POU6F2: variants seen among roughly 807,000 people sequenced by gnomAD.
The protein encoded by POU6F2 is POU domain, class 6, transcription factor 2.
In POU6F2, 31 loss-of-function variants were observed where a neutral mutation model predicts 71.3. That is an observed-to-expected ratio of 0.43 (90% CI 0.33 to 0.59). The LOEUF is 0.59. Ranked by LOEUF, POU6F2 falls within the 20% of genes least tolerant of loss-of-function variation. POU6F2 has a pLI of 0.04. For synonymous variants in POU6F2, 347 were observed against 355.7 expected, an observed-to-expected ratio of 0.98 and a Z score of 0.27; for missense variants, 783 against 856.8, an observed-to-expected ratio of 0.91 and a Z score of 1.07.
chr7:39,135,338 C>T (rs542103673), intron 2 of POU6F2, among the ~76,000 whole-genome samples: 1 of 152,302 alleles, frequency 6.6e-6, no homozygotes, highest in South Asian at 2.1e-4. Flanking sequence ...AAATCTCAGC[C>T]ATTGTGGCAT....
At chr7:39,259,391 G>A (rs1364204961) in intron 4 of POU6F2, among the ~76,000 whole-genome samples, 5 of 152,112 alleles carry the variant, frequency 3.3e-5, no homozygotes, top group South Asian at 2.1e-4. Context: ...ATGCACAAAC[G>A]ACATAACTTG....
intron 2 of POU6F2, among the ~76,000 whole-genome samples, chr7:39,106,575 G>T (rs1294625500): frequency 6.6e-6 from 1 of 152,180 alleles, no homozygotes; most frequent in South Asian, 2.1e-4. Flanking sequence ...GCTCATATGG[G>T]CATGCTATCA....
At chr7:39,264,468 T>C (rs1424771417) in intron 4 of POU6F2, among the ~76,000 whole-genome samples, 3 of 152,192 alleles carry the variant, frequency 2.0e-5, no homozygotes, top group African/African-American at 7.2e-5. Flanking sequence ...CCCAAGATTA[T>C]TTCCTGAGTG....
intron 4 of POU6F2, among the ~76,000 whole-genome samples, chr7:39,232,754 G>T (rs2128750240): frequency 6.6e-6 from 1 of 152,284 alleles, no homozygotes; most frequent in African/African-American, 2.4e-5. Context: ...GCCATGACAT[G>T]CTAAGATCAG....
At chr7:39,430,789 G>A (rs781515073) in intron 6 of POU6F2, among the ~76,000 whole-genome samples, 7 of 152,070 alleles carry the variant, frequency 4.6e-5, no homozygotes, top group South Asian at 2.1e-4. Context: ...GCCCTGCCCC[G>A]TAGATGCATC....
intron 7 of POU6F2, among the ~76,000 whole-genome samples, chr7:39,442,050 T>G (rs1403915460): frequency 6.6e-6 from 1 of 152,194 alleles, no homozygotes; most frequent in Non-Finnish European, 1.5e-5. Flanking sequence ...ATTTGGCTCC[T>G]GATCCAACCA....
chr7:39,003,767 G>T (rs1188322501), intron 1 of POU6F2, among the ~76,000 whole-genome samples: 2 of 151,438 alleles, frequency 1.3e-5, no homozygotes, highest in Non-Finnish European at 2.9e-5. Context: ...AAAAAGAAGG[G>T]AGTGATTAAG....
At chr7:39,377,987 A>G (rs1786743858) in intron 5 of POU6F2, among the ~76,000 whole-genome samples, 1 of 152,108 alleles carries the variant, frequency 6.6e-6, no homozygotes, top group Non-Finnish European at 1.5e-5. Flanking sequence ...CTCTTGACTA[A>G]GTTTCTGCCA....
At chr7:39,039,157 G>C (rs1397830497) in intron 1 of POU6F2, among the ~76,000 whole-genome samples, 1 of 151,940 alleles carries the variant, frequency 6.6e-6, no homozygotes, top group Non-Finnish European at 1.5e-5. Context: ...TTGGTTCCAA[G>C]ATTCCATTAC....
At chr7:39,415,617 A>T (rs190245237) in intron 6 of POU6F2, among the ~76,000 whole-genome samples, 3 of 152,340 alleles carry the variant, frequency 2.0e-5, no homozygotes, top group Non-Finnish European at 4.4e-5. Flanking sequence ...TACTGTAACG[A>T]ATGTTCACAT....
chr7:39,460,847 A>C lies in POU6F2; in HGVS notation c.1658+132A>C. On this transcript the variant is annotated intron_variant, in intron 9 of 9. Coordinates refer to ENST00000518318, the MANE Select transcript of POU6F2 (RefSeq NM_001370959.1). The surrounding 1 kb of genome is among the most constrained non-coding windows in gnomAD (Gnocchi z 4.4). Reference sequence around the variant, plus strand: ...GTGGGAACAAAGTTTGGGGGCAGCTATATGTTGGGATTGGTGATCTTGATG... The same window carrying C: ...GTGGGAACAAAGTTTGGGGGCAGCTCTATGTTGGGATTGGTGATCTTGATG... 1 of 1,105,104 alleles carries C rather than the reference A, an allele frequency of 9.0e-7. No individual in the cohort carries two copies. The highest frequency in any genetic ancestry group is 1.2e-6 in the Non-Finnish European group (1 of 807,592). 68.5% of individuals were successfully genotyped at this position (1,105,104 alleles called of 1,614,324 possible). A position where few individuals can be genotyped will look rare whatever the true frequency, so the allele number is the denominator to read the frequency against.
intron 2 of POU6F2, among the ~76,000 whole-genome samples, chr7:39,203,637 C>T (rs768751376): frequency 8.5e-5 from 13 of 152,186 alleles, no homozygotes; most frequent in Non-Finnish European, 1.2e-4. Flanking sequence ...CTTAGCATGG[C>T]GGAGCTCCCT....
At chr7:39,066,754 T>C (rs560489999) in intron 1 of POU6F2, among the ~76,000 whole-genome samples, 59 of 150,914 alleles carry the variant, frequency 3.9e-4, no homozygotes, top group Non-Finnish European at 6.1e-4. Flanking sequence ...ACAAAATGAT[T>C]CTAAAGTTCA....
At chr7:39,081,623 G>C (rs1791119481) in intron 1 of POU6F2, among the ~76,000 whole-genome samples, 1 of 152,186 alleles carries the variant, frequency 6.6e-6, no homozygotes, top group African/African-American at 2.4e-5. Flanking sequence ...CCTGGGTATT[G>C]AACACTATCT....
intron 5 of POU6F2, among the ~76,000 whole-genome samples, chr7:39,352,167 T>C (rs980922988): frequency 1.3e-5 from 2 of 152,246 alleles, no homozygotes; most frequent in Admixed American, 1.3e-4. Flanking sequence ...TGAAGCCATT[T>C]CTACAAAACT....
At chr7:39,316,164 A>G (rs1478109778) in intron 4 of POU6F2, among the ~76,000 whole-genome samples, 1 of 152,172 alleles carries the variant, frequency 6.6e-6, no homozygotes, top group Admixed American at 6.5e-5. Context: ...GCCTCAGTCT[A>G]TTGACAGGGT....
At chr7:39,057,844 G>T (rs1790563797) in intron 1 of POU6F2, among the ~76,000 whole-genome samples, 1 of 152,132 alleles carries the variant, frequency 6.6e-6, no homozygotes, top group African/African-American at 2.4e-5. Context: ...AGTGATTTGT[G>T]ATATTTCTAT....
intron 4 of POU6F2, among the ~76,000 whole-genome samples, chr7:39,292,972 G>A (rs1365360621): frequency 2.0e-5 from 3 of 152,030 alleles, no homozygotes; most frequent in Non-Finnish European, 4.4e-5. Context: ...TCCAAACCCC[G>A]AATCTTGCTT....
intron 4 of POU6F2, among the ~76,000 whole-genome samples, chr7:39,273,935 AC>A (rs1040052919): frequency 3.3e-5 from 5 of 152,186 alleles, no homozygotes; most frequent in Non-Finnish European, 5.9e-5. Flanking sequence ...AAGAGTAAAA[AC>A]AAAAATATTG....
Sources: gnomAD v4.1 joint callset for allele counts (sites outside exome capture counted in the v4.1 genomes callset) on GRCh38, gnomAD v4.1.1 for gene constraint, Gnocchi (gnomAD v3.1) non-coding constraint, MANE v1.5 for transcripts, NCBI Gene and HGNC (gene_info 2026-07-23, HGNC 2026-07-21) for gene names.